The following SLC25A48 variants were observed in gnomAD, a reference collection of about 807,000 sequenced individuals.
SLC25A48 encodes the protein CTC-321K16.1.
A neutral mutation model predicts 32.2 loss-of-function variants in SLC25A48; 29 were observed. The ratio of observed to expected loss-of-function variants is 0.90; its 90% CI spans 0.67 to 1.23. The LOEUF is 1.23. Among genes scored for constraint, SLC25A48 ranks in the 50% most tolerant of loss-of-function variants. The pLI, the probability that SLC25A48 is intolerant of heterozygous loss-of-function variation, is 0.00. For synonymous variants in SLC25A48, 164 were observed against 172.3 expected (o/e 0.95, Z 0.38); for missense variants, 399 against 422.7 (o/e 0.94, Z 0.49).
At chr5:135,596,660 T>C (rs1302469672) in intron 1 of SLC25A48, among the ~76,000 whole-genome samples, 1 of 152,178 alleles carries the variant, frequency 6.6e-6, no homozygotes, top group Non-Finnish European at 1.5e-5. Context: ...CCTTCTTGCC[T>C]GCAATCTCCA....
intron 4 of SLC25A48, among the ~76,000 whole-genome samples, chr5:135,823,096 G>A (rs1028069268): frequency 1.3e-5 from 2 of 152,080 alleles, no homozygotes; most frequent in African/African-American, 4.8e-5. Context: ...GGGAGAGCAT[G>A]GACCACAGGA....
At chr5:135,818,791 T>A (rs976170220) in intron 4 of SLC25A48, among the ~76,000 whole-genome samples, 5 of 152,160 alleles carry the variant, frequency 3.3e-5, no homozygotes, top group African/African-American at 1.2e-4. Context: ...CATCAAAGAC[T>A]TCAAAATGCT....
intron 3 of SLC25A48, among the ~76,000 whole-genome samples, chr5:135,648,280 G>A (rs973399070): frequency 6.6e-6 from 1 of 152,178 alleles, no homozygotes; most frequent in Non-Finnish European, 1.5e-5. Context: ...CCTTGGAGTT[G>A]TGCAGCAGAT....
chr5:135,806,869 A>G (rs2126647775), intron 3 of SLC25A48, among the ~76,000 whole-genome samples: 1 of 150,442 alleles, frequency 6.6e-6, no homozygotes, highest in South Asian at 2.1e-4. Flanking sequence ...GGATATTTCA[A>G]TAATATCACA....
chr5:135,866,629 A>G (rs1473783305), intron 4 of SLC25A48, among the ~76,000 whole-genome samples: 2 of 152,220 alleles, frequency 1.3e-5, no homozygotes, highest in Non-Finnish European at 1.5e-5. Flanking sequence ...CTGAAGAGGC[A>G]TCTACCTCTA....
chr5:135,839,951 G>A (rs28498645), intron 1 of SLC25A48, among the ~76,000 whole-genome samples: 5,189 of 152,232 alleles, frequency 0.034, 278 homozygotes, highest in African/African-American at 0.12. Context: ...CAGCTATGTG[G>A]GACTGTAAGT....
chr5:135,796,936 AG>A (rs1395720545), intron 3 of SLC25A48, among the ~76,000 whole-genome samples: 1 of 151,810 alleles, frequency 6.6e-6, no homozygotes, highest in Non-Finnish European at 1.5e-5. Flanking sequence ...TTTAATATCC[AG>A]GGGAGGAAAA....
rs768363234 is a variant in SLC25A48, at chr5:135,871,519, G to C, written c.480G>C (p.Gly160=). 2 of 1,612,578 alleles carry C rather than the reference G, an allele frequency of 1.2e-6. No individual in the cohort carries two copies. The highest frequency in any genetic ancestry group is 4.5e-5 in the East Asian group (2 of 44,818). Residue 160 remains glycine, a synonymous_variant, in exon 5 of 8, where the codon GGG becomes GGC. Coordinates refer to ENST00000681962, the MANE Select transcript of SLC25A48 (RefSeq NM_001349336.2). ...CTGCGGAGCAGCCAGCATACCAGGG[G>C]CCAGTGCACTGCATTACAACCATTG... The part of the protein sequence containing the change: ...VAPAEQPAYQ[G]PVHCITTIVR...
At chr5:135,598,588 A>G (rs1254418311) in intron 1 of SLC25A48, among the ~76,000 whole-genome samples, 2 of 152,234 alleles carry the variant, frequency 1.3e-5, no homozygotes, top group African/African-American at 2.4e-5. Flanking sequence ...GAAAGCAGGC[A>G]CTTCACAGAA....
rs553201415 is a variant in SLC25A48 at position 135,587,568 on chromosome 5, C to A, written c.-849+7971C>A. Among the ~76,000 whole-genome samples the A allele has an allele frequency of 2.6e-5, 4 of 152,242 alleles. No homozygotes were observed. The East Asian group carries it at 7.7e-4, about 29-fold the overall frequency. On this transcript the variant is annotated intron_variant, in intron 1 of 10. Transcript: ENST00000646290. ...TGTGACTAATTTGCTTTTAATCAGT[C>A]TCTGGCAGCTGATGGAGGAGAACAG...
At chr5:135,580,252 C>T (rs1751202797) in intron 1 of SLC25A48, among the ~76,000 whole-genome samples, 1 of 152,236 alleles carries the variant, frequency 6.6e-6, no homozygotes, top group African/African-American at 2.4e-5. Context: ...ACTGGGACTC[C>T]TGTCCCTGGA....
chr5:135,781,735 C>T (rs1756720857), intron 3 of SLC25A48, among the ~76,000 whole-genome samples: 1 of 116,492 alleles, frequency 8.6e-6, no homozygotes, highest in African/African-American at 2.6e-5. Context: ...AGGTGCTGTA[C>T]ACTACCTTTG....
chr5:135,587,049 G>C (rs1216338838), intron 1 of SLC25A48, among the ~76,000 whole-genome samples: 1 of 151,984 alleles, frequency 6.6e-6, no homozygotes, highest in Non-Finnish European at 1.5e-5. Context: ...TTGTTTTTTT[G>C]AGACAGGGTC....
At chr5:135,778,179 A>G (rs12656794) in intron 3 of SLC25A48, among the ~76,000 whole-genome samples, 45,833 of 151,358 alleles carry the variant, frequency 0.3, 7,086 homozygotes, top group East Asian at 0.46. Context: ...AGGGGGGGAG[A>G]GGATAATATT....
rs1458969194 is a variant in SLC25A48 at position 135,782,915 on chromosome 5, G to A, written c.-520-29608G>A. On this transcript the variant is annotated intron_variant, in intron 3 of 10. Coordinates refer to the SLC25A48 transcript ENST00000646290. ...TGGTTCAAAATCCAGGGGGTGAGAA[G>A]ATGATATTACTCCCAATATCGCAGG... 5.3e-5 allele frequency among the ~76,000 whole-genome samples: 5 copies of A among 94,972 alleles called. 1 individual carries two copies. The highest frequency in any genetic ancestry group is 3.2e-4 in the Admixed American group (3 of 9,262). The allele number at this position is 94,972 out of a possible 152,430, so 62.3% of individuals were successfully genotyped here.
chr5:135,865,931 T>TA (rs1192413082), intron 4 of SLC25A48, among the ~76,000 whole-genome samples: 1 of 152,228 alleles, frequency 6.6e-6, no homozygotes, highest in Non-Finnish European at 1.5e-5. Flanking sequence ...TTACCTGTGA[T>TA]AGTACCCACA....
intron 1 of SLC25A48, among the ~76,000 whole-genome samples, chr5:135,615,126 A>G (rs979898647): frequency 3.9e-5 from 6 of 152,248 alleles, no homozygotes; most frequent in Non-Finnish European, 8.8e-5. Context: ...ACAAACTAAT[A>G]TAGAAAATTG....
At chr5:135,590,744 G>T (rs1052239591) in intron 1 of SLC25A48, among the ~76,000 whole-genome samples, 1 of 152,124 alleles carries the variant, frequency 6.6e-6, no homozygotes, top group African/African-American at 2.4e-5. Context: ...GGAGGCTTTG[G>T]AGAAAAGACA....
intron 3 of SLC25A48, among the ~76,000 whole-genome samples, chr5:135,710,341 A>G (rs1754622753): frequency 6.6e-6 from 1 of 152,200 alleles, no homozygotes; most frequent in South Asian, 2.1e-4. Flanking sequence ...AAGGGGTGAG[A>G]CGGCTCCAGC....
Sources: allele counts gnomAD v4.1 joint callset (sites outside exome capture counted in the v4.1 genomes callset), GRCh38; gene constraint gnomAD v4.1.1; transcripts MANE v1.5; gene names NCBI Gene and HGNC (gene_info 2026-07-23, HGNC 2026-07-21).